Variants in C4orf50 observed in about 807,000 individuals in gnomAD.
C4orf50 encodes chromosome 4 open reading frame 50.
C4orf50 carries 80 observed loss-of-function variants against 77.2 expected under a neutral mutation model. The observed-to-expected ratio is 1.04, with a 90% CI of 0.87 to 1.25. C4orf50 has a LOEUF of 1.25. Ranked by LOEUF, C4orf50 falls within the 50% of genes most tolerant of loss-of-function variation. The pLI, the probability that C4orf50 is intolerant of heterozygous loss-of-function variation, is 0.00. For missense variants in C4orf50, 1,257 were observed against 1,152.9 expected, an observed-to-expected ratio of 1.09 and a Z score of -1.31; for synonymous variants, 532 against 465.3, an observed-to-expected ratio of 1.14 and a Z score of -1.84.
intron 31 of C4orf50, among the ~76,000 whole-genome samples, chr4:5,972,106 G>T (rs1266662862): frequency 6.6e-6 from 1 of 151,418 alleles, no homozygotes; most frequent in Non-Finnish European, 1.5e-5. Flanking sequence ...CCGGGTTCAA[G>T]AGATTCTCCT....
At chr4:5,957,286 G>C (rs1719022791) in exon 34 of C4orf50, 1 of 152,280 alleles carries the variant, frequency 6.6e-6, no homozygotes, top group Non-Finnish European at 1.5e-5. Context: ...GACTCCTGGA[G>C]ACCAGATGTG....
intron 7 of C4orf50, chr4:5,898,221 A>G (rs1184862366): frequency 6.6e-6 from 1 of 152,180 alleles, no homozygotes; most frequent in African/African-American, 2.4e-5. Context: ...TGCCAATGAC[A>G]CTCATGCCTC....
At chr4:5,923,003 C>T (rs568159162) in intron 7 of C4orf50, among the ~76,000 whole-genome samples, 6 of 152,192 alleles carry the variant, frequency 3.9e-5, no homozygotes, top group Admixed American at 2.6e-4. Context: ...CTTCAGCATT[C>T]ACAATCCACT....
At chr4:5,927,352 C>T (rs1016689005) in intron 7 of C4orf50, among the ~76,000 whole-genome samples, 7 of 152,028 alleles carry the variant, frequency 4.6e-5, no homozygotes, top group African/African-American at 1.7e-4. Flanking sequence ...GTCTTTCTAA[C>T]CTCTCCCCCA....
intron 32 of C4orf50, among the ~76,000 whole-genome samples, chr4:5,966,079 A>G (rs1719546874): frequency 1.3e-5 from 2 of 152,234 alleles, no homozygotes; most frequent in Non-Finnish European, 2.9e-5. Context: ...AACAAGGCCC[A>G]ATCAAATACC....
At chr4:5,964,889 C>T (rs576919717) in intron 33 of C4orf50, 135 bp downstream of exon 11, 6 of 680,740 alleles carry the variant, frequency 8.8e-6, no homozygotes, top group East Asian at 2.8e-5. Flanking sequence ...GTTCGGGAGT[C>T]GATTGTGTTC....
chr4:5,940,525 C>T (rs910687872), intron 7 of C4orf50, among the ~76,000 whole-genome samples: 1 of 152,184 alleles, frequency 6.6e-6, no homozygotes, highest in Non-Finnish European at 1.5e-5. Context: ...TGGATAACAT[C>T]TGTGGAAGCT....
chr4:5,938,223 A>G (rs1003433811), intron 7 of C4orf50, among the ~76,000 whole-genome samples: 24 of 152,268 alleles, frequency 1.6e-4, no homozygotes, highest in African/African-American at 5.8e-4. Context: ...TATATGAACC[A>G]TATTCTCTGG....
chr4:5,911,740 C>A (rs972304445), intron 7 of C4orf50, among the ~76,000 whole-genome samples: 1 of 152,072 alleles, frequency 6.6e-6, no homozygotes, highest in South Asian at 2.1e-4. Flanking sequence ...AAAACAAAAA[C>A]AAAAACAAAA....
chr4:5,983,114 A>G (rs1720683500), intron 28 of C4orf50, among the ~76,000 whole-genome samples: 1 of 152,156 alleles, frequency 6.6e-6, no homozygotes, highest in East Asian at 1.9e-4. Context: ...TTTTCACTGC[A>G]AATTCCTCAA....
rs1722645480 is a variant in C4orf50 at position 6,015,417 on chromosome 4, C to T, written c.287+2728G>A. Among the ~76,000 whole-genome samples the T allele has an allele frequency of 2.0e-5, 3 of 152,044 alleles. No homozygotes were observed. The highest frequency in any genetic ancestry group is 4.8e-5 in the African/African-American group (2 of 41,380). On this transcript the variant is annotated intron_variant, in intron 23 of 33. Coordinates refer to ENST00000531445, the Ensembl canonical transcript of C4orf50. The surrounding 1 kb of genome is among the most constrained non-coding windows in gnomAD (Gnocchi z 4.4). Reference sequence around the variant, plus strand: ...CTCAGGAGAAACCAATCCTGCCGACCCCCCGAGCTTGGGCTTTTGGGATCC... The same window carrying T: ...CTCAGGAGAAACCAATCCTGCCGACTCCCCGAGCTTGGGCTTTTGGGATCC...
intron 7 of C4orf50, among the ~76,000 whole-genome samples, chr4:5,938,424 T>A (rs1044934314): frequency 6.6e-6 from 1 of 152,176 alleles, no homozygotes; most frequent in African/African-American, 2.4e-5. Context: ...ACAATGACAA[T>A]GTCCTAAGTA....
chr4:5,989,103 C>T (rs537979399), exon 28 of C4orf50: 10 of 1,536,126 alleles, frequency 6.5e-6, no homozygotes, highest in Non-Finnish European at 8.7e-6. Context: ...CCCCTACCAG[C>T]CTGTGGTTAT....
At chr4:5,938,237 C>A (rs1014618824) in intron 7 of C4orf50, among the ~76,000 whole-genome samples, 1 of 152,044 alleles carries the variant, frequency 6.6e-6, no homozygotes, top group East Asian at 1.9e-4. Context: ...TCTCTGGTTA[C>A]GATGGAATTA....
At position 5,916,642 on chromosome 4, in the gene C4orf50, G is replaced by C. The variant is rs567005254; in HGVS notation, c.*2475-18454C>G. Reference sequence around the variant, plus strand: ...GACAGGGGTGCAGGTGGTTTATTTGGGGGGAGATCCCAGAAGTAGGAGTGA... The same window carrying C: ...GACAGGGGTGCAGGTGGTTTATTTGCGGGGAGATCCCAGAAGTAGGAGTGA... On this transcript the variant is annotated intron_variant, in intron 7 of 7. Transcript: ENST00000324058. The surrounding 1 kb of genome is among the most constrained non-coding windows in gnomAD (Gnocchi z 4.4). Among the ~76,000 whole-genome samples, 8 of 152,182 alleles carry C rather than the reference G, an allele frequency of 5.3e-5. No homozygotes were observed. Among genetic ancestry groups the C allele is most frequent in the Non-Finnish European group, 1.0e-4 (7 of 68,026 alleles).
At position 5,900,759 on chromosome 4, in the gene C4orf50, C is replaced by T. The variant is rs1319365848; in HGVS notation, c.*2475-2571G>A. 6.6e-6 allele frequency: 1 copy of T among 152,178 alleles called. No individual in the cohort carries two copies. The highest frequency in any genetic ancestry group is 1.9e-4 in the East Asian group (1 of 5,190). The allele number at this position is 152,178 out of a possible 1,614,324, so 9.4% of individuals were successfully genotyped here. A position where few individuals can be genotyped will look rare whatever the true frequency, so the allele number is the denominator to read the frequency against. On this transcript the variant is annotated intron_variant, in intron 7 of 7. Coordinates refer to the C4orf50 transcript ENST00000324058. The surrounding 1 kb of genome is among the most constrained non-coding windows in gnomAD (Gnocchi z 4.3). ...CCTCATCTGGGAATCAGTTTCCTCGCCTGTAAAATGGGGAGGAGAAGGATG... is the reference window on the plus strand; with the variant it reads ...CCTCATCTGGGAATCAGTTTCCTCGTCTGTAAAATGGGGAGGAGAAGGATG...
chr4:6,004,134 G>GTGA (rs1560598584), intron 25 of C4orf50, among the ~76,000 whole-genome samples: 10 of 9,428 alleles, frequency 1.1e-3, no homozygotes, highest in Non-Finnish European at 1.8e-3. Context: ...AGTGATGATG[G>GTGA]TGATGGTGAT....
intron 7 of C4orf50, among the ~76,000 whole-genome samples, chr4:5,907,979 C>T (rs1324347590): frequency 6.6e-6 from 1 of 152,160 alleles, no homozygotes; most frequent in Non-Finnish European, 1.5e-5. Context: ...TAACAGGAGA[C>T]ATATTTCAGT....
In C4orf50 at chr4:5,914,127, T is replaced by C. The variant is rs141339149; in HGVS notation, c.*2475-15939A>G. Reference sequence around the variant, plus strand: ...GTATATTGACTATGATTATGAATATTGTATGGAAACTTACCCGCAGGGATA... The same window carrying C: ...GTATATTGACTATGATTATGAATATCGTATGGAAACTTACCCGCAGGGATA... On this transcript the variant is annotated intron_variant, in intron 7 of 7. Coordinates refer to the C4orf50 transcript ENST00000324058. Among the ~76,000 whole-genome samples the C allele has an allele frequency of 3.0e-3, 455 of 152,128 alleles. 1 individual carries two copies. The highest frequency in any genetic ancestry group is 0.01 in the African/African-American group (424 of 41,514).
Sources: gnomAD v4.1 joint callset for allele counts (sites outside exome capture counted in the v4.1 genomes callset) on GRCh38, gnomAD v4.1.1 for gene constraint, Gnocchi (gnomAD v3.1) non-coding constraint, MANE v1.5 for transcripts, NCBI Gene and HGNC (gene_info 2026-07-23, HGNC 2026-07-21) for gene names.